SLC4A4: variants seen among roughly 807,000 people sequenced by gnomAD.
SLC4A4 encodes solute carrier family 4 member 4.
Under a neutral mutation model 111.5 loss-of-function variants are expected in SLC4A4, and 27 were observed. The observed-to-expected ratio is 0.24, with a 90% confidence interval of 0.18 to 0.33. The LOEUF (loss-of-function observed/expected upper bound fraction) is 0.33, where lower values mean the gene tolerates loss of function less well. Among genes scored for constraint, SLC4A4 ranks in the 10% least tolerant of loss-of-function variants. The pLI is 1.00. For synonymous variants in SLC4A4, 443 were observed against 463.4 expected (o/e 0.96, Z 0.57); for missense variants, 909 against 1,315.5 (o/e 0.69, Z 4.78).
chr4:71,475,120 T>G (rs562160649), intron 14 of SLC4A4, among the ~76,000 whole-genome samples: 2 of 151,736 alleles, frequency 1.3e-5, no homozygotes, highest in African/African-American at 2.4e-5. Context: ...TATTTACGAC[T>G]TCTTAGGCAG....
rs562781176 is a variant in SLC4A4, at chr4:71,453,812, C to T, written c.1497+143C>T. On this transcript the variant is annotated intron_variant, in intron 12 of 25. Transcript: ENST00000264485. ...CTGGATGCTGCATTTTACTTTGCTTCTGGCCTGCTGCTGTATTTCCAGCAT... is the reference window on the plus strand; with the variant it reads ...CTGGATGCTGCATTTTACTTTGCTTTTGGCCTGCTGCTGTATTTCCAGCAT... 2.6e-5 allele frequency: 20 copies of T among 754,918 alleles called. No homozygotes were observed. The East Asian group carries it at 5.3e-4, about 20-fold the overall frequency. The allele number at this position is 754,918 out of a possible 1,614,324, so 46.8% of individuals were successfully genotyped here. A position where few individuals can be genotyped will look rare whatever the true frequency, so the allele number is the denominator to read the frequency against.
intron 1 of SLC4A4, among the ~76,000 whole-genome samples, chr4:71,072,118 A>G (rs188369076): frequency 1.3e-5 from 2 of 152,296 alleles, no homozygotes; most frequent in East Asian, 1.9e-4. Context: ...TCAATTTTTA[A>G]TAGTTACAAT....
At chr4:71,442,056 A>T (rs1018276579) in intron 8 of SLC4A4, among the ~76,000 whole-genome samples, 8 of 152,164 alleles carry the variant, frequency 5.3e-5, no homozygotes, top group African/African-American at 1.9e-4. Flanking sequence ...GTCTCTCTAG[A>T]CTAACTTTAC....
At chr4:71,207,798 AT>A (rs1384320662) in intron 1 of SLC4A4, among the ~76,000 whole-genome samples, 1 of 152,090 alleles carries the variant, frequency 6.6e-6, no homozygotes, top group Non-Finnish European at 1.5e-5. Flanking sequence ...AGTTTAGGAA[AT>A]TTTTGGAAGG....
At chr4:71,376,270 C>T (rs1201231149) in intron 6 of SLC4A4, among the ~76,000 whole-genome samples, 5 of 149,754 alleles carry the variant, frequency 3.3e-5, no homozygotes, top group Admixed American at 2.0e-4. Flanking sequence ...GGCGCGATAT[C>T]GGCTCACTGC....
At chr4:71,553,776 A>G (rs1736238920) in intron 20 of SLC4A4, among the ~76,000 whole-genome samples, 1 of 151,884 alleles carries the variant, frequency 6.6e-6, no homozygotes. Flanking sequence ...TGTCAGAAAT[A>G]AAGAGGCTTG....
chr4:71,231,003 G>A (rs1719388593), intron 1 of SLC4A4, among the ~76,000 whole-genome samples: 3 of 152,212 alleles, frequency 2.0e-5, no homozygotes, highest in Admixed American at 1.3e-4. Context: ...GCTAGGAGGA[G>A]AAATGTGCTG....
chr4:71,076,967 G>T (rs775300193), intron 1 of SLC4A4, among the ~76,000 whole-genome samples: 2 of 151,148 alleles, frequency 1.3e-5, no homozygotes, highest in Non-Finnish European at 1.5e-5. Flanking sequence ...TCTAGCATGG[G>T]CAAAAGTGAG....
intron 3 of SLC4A4, among the ~76,000 whole-genome samples, chr4:71,269,806 A>C (rs1439973294): frequency 6.6e-6 from 1 of 152,220 alleles, no homozygotes; most frequent in Non-Finnish European, 1.5e-5. Flanking sequence ...TTAAGACCAT[A>C]GGTTTGGAAT....
chr4:71,405,894 G>A (rs1004772250), intron 7 of SLC4A4, among the ~76,000 whole-genome samples: 12 of 152,072 alleles, frequency 7.9e-5, no homozygotes, highest in African/African-American at 1.7e-4. Context: ...TTGGACGTCC[G>A]AGCTGGCTAA....
intron 13 of SLC4A4, among the ~76,000 whole-genome samples, 167 bp from the exon 14 acceptor site, chr4:71,472,532 A>G (rs1727979135): frequency 6.6e-6 from 1 of 151,990 alleles, no homozygotes; most frequent in African/African-American, 2.4e-5. Flanking sequence ...GTATCATTAA[A>G]CTAAATTCTT....
chr4:71,275,366 G>A (rs1448843960), intron 3 of SLC4A4, among the ~76,000 whole-genome samples: 1 of 152,110 alleles, frequency 6.6e-6, no homozygotes, highest in Non-Finnish European at 1.5e-5. Flanking sequence ...CAGTTGGCAT[G>A]GTGCCTTGGA....
At chr4:71,456,925 A>G (rs1487633007) in intron 12 of SLC4A4, among the ~76,000 whole-genome samples, 2 of 152,186 alleles carry the variant, frequency 1.3e-5, no homozygotes, top group Non-Finnish European at 2.9e-5. Context: ...GCCTTCATAA[A>G]TGTGGCAGTG....
chr4:71,419,143 G>T (rs1046463038), intron 7 of SLC4A4, among the ~76,000 whole-genome samples: 1 of 152,216 alleles, frequency 6.6e-6, no homozygotes, highest in East Asian at 1.9e-4. Context: ...GGGGTCAGGG[G>T]TCAGGGACAC....
intron 3 of SLC4A4, among the ~76,000 whole-genome samples, chr4:71,306,209 G>T (rs1455894445): frequency 6.6e-6 from 1 of 152,036 alleles, no homozygotes; most frequent in East Asian, 1.9e-4. Flanking sequence ...CCTGGTTTCA[G>T]TTTCTGTCTT....
rs1262916204 is a variant in SLC4A4 at position 71,210,225 on chromosome 4, G to C, written c.-2+22824G>C. 4.3e-4 allele frequency among the ~76,000 whole-genome samples: 66 copies of C among 152,166 alleles called. 2 individuals carry two copies. Among genetic ancestry groups the C allele is most frequent in the Non-Finnish European group, 1.5e-5 (1 of 68,026 alleles). ...GGGATAGTCAATGATTGCTTCCTTTGGGCAAGCAGGAGCTGCAACCCCCTG... is the reference window on the plus strand; with the variant it reads ...GGGATAGTCAATGATTGCTTCCTTTCGGCAAGCAGGAGCTGCAACCCCCTG... On this transcript the variant is annotated intron_variant, in intron 1 of 25. Transcript: ENST00000264485.
Position 71,453,532 on chromosome 4 carries a change from G to A in SLC4A4, c.1360G>A (p.Ala454Thr), listed in dbSNP as rs773200104. ...GGLIKDIKRK[A>T]PFFASDFYDA... ...ACTAATTAAAGACATAAAGAGGAAA[G>A]CGCCATTTTTTGCCAGTGATTTTTA... The change falls in exon 12 of 26, where the codon GCG (alanine) becomes ACG (threonine). Residue 454 changes from alanine to threonine, a missense_variant. By Grantham distance (58) the Ala-to-Thr change is moderately conservative. Around this residue, in one of 7 missense-constraint regions of SLC4A4, gnomAD observed 312 missense variants for 402.0 expected, o/e 0.78. Coordinates refer to ENST00000264485, the MANE Select transcript of SLC4A4 (RefSeq NM_001098484.3). The A allele has an allele frequency of 6.8e-5, 109 of 1,613,862 alleles. No homozygotes were observed. The highest frequency in any genetic ancestry group is 8.6e-5 in the Non-Finnish European group (101 of 1,179,898).
intron 3 of SLC4A4, chr4:71,300,567 G>C (rs1217169775): frequency 1.1e-5 from 3 of 279,218 alleles, no homozygotes; most frequent in Non-Finnish European, 2.2e-5. Context: ...CAAAGGTGTA[G>C]AGGAAGACAT....
At chr4:71,290,239 T>C (rs1331044357) in intron 3 of SLC4A4, among the ~76,000 whole-genome samples, 1 of 152,152 alleles carries the variant, frequency 6.6e-6, no homozygotes, top group African/African-American at 2.4e-5. Context: ...AGTTCAGTAA[T>C]GCATGTGGAG....
Sources: allele counts gnomAD v4.1 joint callset (sites outside exome capture counted in the v4.1 genomes callset), GRCh38; gene constraint gnomAD v4.1.1; regional missense constraint gnomAD v4.1.1; transcripts MANE v1.5; gene names NCBI Gene and HGNC (gene_info 2026-07-23, HGNC 2026-07-21).